Variants in PBRM1 observed in about 807,000 individuals in gnomAD.
PBRM1 encodes the protein protein polybromo-1.
In PBRM1, 27 loss-of-function variants were observed where a neutral mutation model predicts 194.5. The observed-to-expected ratio is 0.14, with a 90% CI of 0.10 to 0.19. The LOEUF is 0.19. Among genes scored for constraint, PBRM1 ranks in the 10% least tolerant of loss-of-function variants. The pLI, the probability that PBRM1 is intolerant of heterozygous loss-of-function variation, is 1.00. For missense variants in PBRM1, 1,466 were observed against 2,077.2 expected (o/e 0.71, Z 5.72); for synonymous variants, 655 against 693.2 (o/e 0.94, Z 0.87).
intron 2 of PBRM1, among the ~76,000 whole-genome samples, chr3:52,672,791 G>C (rs747264502): frequency 3.3e-5 from 5 of 151,930 alleles, no homozygotes; most frequent in African/African-American, 7.3e-5. Flanking sequence ...ACCACGCCTG[G>C]CCAATTGCCA....
intron 8 of PBRM1, 123 bp downstream of exon 9, chr3:52,644,581 C>T: frequency 2.4e-6 from 1 of 423,836 alleles, no homozygotes; most frequent in Non-Finnish European, 4.3e-6. Context: ...GATGGGGTTT[C>T]ACCATGTTGG....
At chr3:52,615,366 G>A in exon 15 of PBRM1, 3 of 1,606,006 alleles carry the variant, frequency 1.9e-6, no homozygotes, top group Non-Finnish European at 2.6e-6. Context: ...TTGAGTTTGG[G>A]AGAAGCCATG....
intron 21 of PBRM1, among the ~76,000 whole-genome samples, chr3:52,578,509 A>G (rs764640679): frequency 2.0e-5 from 3 of 152,112 alleles, no homozygotes; most frequent in African/African-American, 4.8e-5. Flanking sequence ...ATCCTCTCCT[A>G]CCCAACCCTA....
At chr3:52,636,903 G>A (rs1272399981) in intron 10 of PBRM1, among the ~76,000 whole-genome samples, 1 of 146,550 alleles carries the variant, frequency 6.8e-6, no homozygotes, top group Non-Finnish European at 1.5e-5. Flanking sequence ...AGCTTGATAA[G>A]TACCAGCCTC....
intron 10 of PBRM1, among the ~76,000 whole-genome samples, chr3:52,635,967 G>A (rs889212253): frequency 7.9e-5 from 12 of 152,146 alleles, no homozygotes; most frequent in Admixed American, 2.6e-4. Flanking sequence ...GAGTTCAAAT[G>A]ATTCTCCTGC....
At position 52,589,204 on chromosome 3, in the gene PBRM1, T is replaced by C. The variant is rs771983602; in HGVS notation, c.2831A>G (p.His944Arg). The C allele has an allele frequency of 1.1e-5, 17 of 1,591,146 alleles. No homozygotes were observed. The South Asian group carries it at 1.6e-4, about 15-fold the overall frequency. ...GCTACAGTCCTGGCTGTATGTGCGA[T>C]GTAAGCCTGAGAGGCCTGCAGCACC... is the stretch of plus-strand genomic sequence containing the variant. The change falls in exon 18 of 30, where the codon CAT becomes CGT. Residue 944 changes from histidine to arginine, a missense_variant. His to Arg is a conservative substitution (Grantham distance 29). Coordinates refer to ENST00000296302, the Ensembl canonical transcript of PBRM1.
intron 11 of PBRM1, among the ~76,000 whole-genome samples, chr3:52,630,201 G>A (rs2095572001): frequency 6.6e-6 from 1 of 151,996 alleles, no homozygotes; most frequent in African/African-American, 2.4e-5. Flanking sequence ...ATCAAGGGTA[G>A]TGGGGGAGGA....
chr3:52,634,478 G>A (rs1332572355), intron 11 of PBRM1, 124 bp downstream of exon 12: 13 of 512,546 alleles, frequency 2.5e-5, no homozygotes, highest in Admixed American at 1.3e-4. Flanking sequence ...GTTAAAATTT[G>A]AGGTTAAAAA....
At chr3:52,651,844 TTAAACTATTCAGC>T in intron 5 of PBRM1, 34 bp from the exon 7 acceptor site, 1 of 1,369,482 alleles carries the variant, frequency 7.3e-7, no homozygotes, top group Non-Finnish European at 1.0e-6. Flanking sequence ...GCTCAATAAG[TTAAACTATTCAGC>T]TAATGAAAAG....
chr3:52,554,257 T>G (rs983676461), intron 27 of PBRM1, among the ~76,000 whole-genome samples: 1 of 152,174 alleles, frequency 6.6e-6, no homozygotes, highest in Non-Finnish European at 1.5e-5. Flanking sequence ...TGAGGAGAAG[T>G]AGGAGATGGA....
intron 7 of PBRM1, among the ~76,000 whole-genome samples, chr3:52,647,987 C>A (rs1286681537): frequency 6.6e-6 from 1 of 151,900 alleles, no homozygotes; most frequent in East Asian, 1.9e-4. Flanking sequence ...CAGCTCACTG[C>A]AACCTCTGCC....
chr3:52,665,684 T>C (rs969602786), intron 3 of PBRM1, among the ~76,000 whole-genome samples: 1 of 152,100 alleles, frequency 6.6e-6, no homozygotes, highest in Admixed American at 6.6e-5. Flanking sequence ...GTGAGCTCCT[T>C]ATAAGAATCT....
chr3:52,566,742 C>A (rs2085338292), intron 22 of PBRM1, among the ~76,000 whole-genome samples: 2 of 152,098 alleles, frequency 1.3e-5, no homozygotes, highest in Admixed American at 6.6e-5. Context: ...GTGGTGATAG[C>A]TGTACGGTAT....
intron 2 of PBRM1, 85 bp downstream of exon 3, chr3:52,678,415 C>A (rs1201461470): frequency 3.5e-6 from 3 of 853,394 alleles, no homozygotes; most frequent in Non-Finnish European, 5.8e-6. Context: ...TTCCTGCCAA[C>A]AAAAAGCTCA....
chr3:52,635,049 C>T (rs960014302), intron 10 of PBRM1, among the ~76,000 whole-genome samples: 5 of 152,030 alleles, frequency 3.3e-5, no homozygotes, highest in Non-Finnish European at 2.9e-5. Flanking sequence ...GATCAGTCTC[C>T]CGAGTAGCTA....
intron 4 of PBRM1, among the ~76,000 whole-genome samples, chr3:52,661,507 A>G (rs2096724403): frequency 6.6e-6 from 1 of 152,212 alleles, no homozygotes; most frequent in African/African-American, 2.4e-5. Flanking sequence ...TAAAAACTGA[A>G]GACAACCCTG....
At chr3:52,642,201 A>G (rs2096119598) in intron 9 of PBRM1, among the ~76,000 whole-genome samples, 156 bp from the exon 11 acceptor site, 1 of 152,230 alleles carries the variant, frequency 6.6e-6, no homozygotes, top group Non-Finnish European at 1.5e-5. Context: ...AATGGTTCTC[A>G]TAATCAATCT....
At chr3:52,583,176 G>A (rs1427560646) in intron 20 of PBRM1, among the ~76,000 whole-genome samples, 5 of 150,948 alleles carry the variant, frequency 3.3e-5, no homozygotes, top group African/African-American at 4.9e-5. Context: ...TTGGGAGGCC[G>A]AGGCAGGCGG....
chr3:52,660,534 A>ACT (rs1251511246), intron 4 of PBRM1, among the ~76,000 whole-genome samples: 1 of 151,894 alleles, frequency 6.6e-6, no homozygotes, highest in African/African-American at 2.4e-5. Context: ...TTTTTTTTAG[A>ACT]CAGAGTCTCA....
Sources: allele counts gnomAD v4.1 joint callset (sites outside exome capture counted in the v4.1 genomes callset), GRCh38; gene constraint gnomAD v4.1.1; transcripts MANE v1.5; gene names NCBI Gene and HGNC (gene_info 2026-07-23, HGNC 2026-07-21).